LHX5: variants seen among roughly 807,000 people sequenced by gnomAD.
LHX5 encodes LIM homeobox 5.
A neutral mutation model predicts 30.6 loss-of-function variants in LHX5; 5 were observed. That is an observed-to-expected ratio of 0.16 (90% CI 0.09 to 0.34). The LOEUF (loss-of-function observed/expected upper bound fraction) is 0.34, where lower values mean the gene tolerates loss of function less well. LHX5 is among the 10% of genes least tolerant of loss of function. The pLI, the probability that LHX5 is intolerant of heterozygous loss-of-function variation, is 1.00. For missense variants in LHX5, 458 were observed against 570.6 expected (o/e 0.80, Z 2.01); for synonymous variants, 266 against 252.6 (o/e 1.05, Z -0.50).
In LHX5 at chr12:113,467,357, C is replaced by T; in HGVS notation, c.740G>A (p.Arg247Gln). The stretch of plus-strand genomic sequence containing the variant: ...CGGACTCCGGAAGAAGGCGTGCCTC[C>T]GGGCGCCTAGGGCGCTCAGCTGTTT... ...RMKQLSALGA[R>Q]RHAFFRSPRR... Residue 247 changes from arginine (R) to glutamine (Q), a missense_variant, in exon 4 of 5, where the codon CGG becomes CAG. This residue lies in a region of LHX5 where 255 missense variants were observed against 246.8 expected (regional missense o/e 1.03). Transcript: ENST00000261731. This position sits in a 1 kb window ranked among gnomAD's most constrained non-coding sequence, Gnocchi z 6.3. The T allele has an allele frequency of 6.3e-7, 1 of 1,589,672 alleles. No individual in the cohort carries two copies.
Position 113,463,566 on chromosome 12 carries a change from G to C in LHX5, c.842-9C>G. 2.6e-6 allele frequency: 4 copies of C among 1,519,060 alleles called. No individual in the cohort carries two copies. Among genetic ancestry groups the C allele is most frequent in the Non-Finnish European group, 3.5e-6 (4 of 1,140,368 alleles). 94.1% of individuals were successfully genotyped at this position (1,519,060 alleles called of 1,614,324 possible). On this transcript the variant is annotated splice_polypyrimidine_tract_variant and intron_variant, in intron 4 of 4. Coordinates refer to ENST00000261731, the MANE Select transcript of LHX5 (RefSeq NM_022363.3). This position sits in a 1 kb window ranked among gnomAD's most constrained non-coding sequence, Gnocchi z 6.7. Reference sequence around the variant, plus strand: ...GTAGTCGCCTTGGTAGTCTGCGGAGGGGGAGCGGGAAGGAGACAGGGCGCG... The same window carrying C: ...GTAGTCGCCTTGGTAGTCTGCGGAGCGGGAGCGGGAAGGAGACAGGGCGCG...
rs1175250076 is a variant in LHX5 at position 113,464,281 on chromosome 12, G to T, written c.842-724C>A. Among the ~76,000 whole-genome samples the T allele has an allele frequency of 6.6e-6, 1 of 152,246 alleles. No homozygotes were observed. Among genetic ancestry groups the T allele is most frequent in the Non-Finnish European group, 1.5e-5 (1 of 68,042 alleles). On this transcript the variant is annotated intron_variant, in intron 4 of 4. Coordinates refer to ENST00000261731, the MANE Select transcript of LHX5 (RefSeq NM_022363.3). The surrounding 1 kb of genome is among the most constrained non-coding windows in gnomAD (Gnocchi z 6.2). ...CCCAGGAACCTCCAGAGAAGCGGAG[G>T]CTGACAGGCCCGGGGAGAGGAACCG...
Position 113,463,205 on chromosome 12 carries a change from T to G in LHX5, c.1194A>C (p.Glu398Asp). The G allele has an allele frequency of 1.3e-6, 2 of 1,517,810 alleles. No individual in the cohort carries two copies. Among genetic ancestry groups the G allele is most frequent in the Admixed American group, 2.0e-5 (1 of 49,078 alleles). The allele number at this position is 1,517,810 out of a possible 1,614,324, so 94.0% of individuals were successfully genotyped here. Reference sequence around the variant, plus strand: ...CCCGGCGGCCTTACCACACGGCGGCTTCGTTGAGCTCGGGGTTGGGATGCG... The same window carrying G: ...CCCGGCGGCCTTACCACACGGCGGCGTCGTTGAGCTCGGGGTTGGGATGCG... ...PLSHPNPELNEAAVW is the reference protein window; with the variant it reads ...PLSHPNPELNDAAVW Residue 398 changes from glutamate (E) to aspartate (D), a missense_variant, in exon 5 of 5, where the codon GAA (glutamate) becomes GAC (aspartate). Coordinates refer to ENST00000261731, the MANE Select transcript of LHX5 (RefSeq NM_022363.3). This position sits in a 1 kb window ranked among gnomAD's most constrained non-coding sequence, Gnocchi z 6.7.
chr12:113,467,106 C>T lies in LHX5; in HGVS notation c.841+150G>A. 1 of 664,634 alleles carries T rather than the reference C, an allele frequency of 1.5e-6. No homozygotes were observed. Among genetic ancestry groups the T allele is most frequent in the Non-Finnish European group, 2.2e-6 (1 of 447,996 alleles). The allele number at this position is 664,634 out of a possible 1,614,324, so 41.2% of individuals were successfully genotyped here. On this transcript the variant is annotated intron_variant, in intron 4 of 4. Coordinates refer to ENST00000261731, the MANE Select transcript of LHX5 (RefSeq NM_022363.3). This position sits in a 1 kb window ranked among gnomAD's most constrained non-coding sequence, Gnocchi z 6.3. ...CATGTATCTGATTTTGTGTCCAGGA[C>T]ATGTGGGTGAGTGTACATGTGTCTG...
intron 1 of LHX5, 110 bp from the exon 2 acceptor site, chr12:113,469,455 C>G: frequency 2.1e-6 from 2 of 947,254 alleles, no homozygotes; most frequent in Non-Finnish European, 3.1e-6. Context: ...ATTTCCATAT[C>G]TGTCAAACGG....
rs529687457 is a variant in LHX5, at chr12:113,469,040, G to C, written c.397+82C>G. The C allele has an allele frequency of 6.5e-5, 69 of 1,058,906 alleles. No homozygotes were observed. In the African/African-American group the frequency reaches 9.6e-4, roughly 15 times the overall value. 65.6% of individuals were successfully genotyped at this position (1,058,906 alleles called of 1,614,324 possible). On this transcript the variant is annotated intron_variant, in intron 2 of 4. Transcript: ENST00000261731. ...CCAAGCTCAGCACAGACAGCACACC[G>C]GGGGCCAAGTAGGGAGTGCCAGGCT...
rs747879790 is a variant in LHX5, at chr12:113,465,295, C to T, written c.842-1738G>A. Among the ~76,000 whole-genome samples, 3 of 152,234 alleles carry T rather than the reference C, an allele frequency of 2.0e-5. No homozygotes were observed. Among genetic ancestry groups the T allele is most frequent in the African/African-American group, 4.8e-5 (2 of 41,468 alleles). ...GCCCCAAAGGGACAGGGATGGGAGA[C>T]GGCCGCGGCCCGCGGCGAGCCGGAA... On this transcript the variant is annotated intron_variant, in intron 4 of 4. Coordinates refer to ENST00000261731, the MANE Select transcript of LHX5 (RefSeq NM_022363.3). This position sits in a 1 kb window ranked among gnomAD's most constrained non-coding sequence, Gnocchi z 6.7.
Position 113,471,327 on chromosome 12 carries a change from T to G in LHX5, c.172A>C (p.Arg58=), listed in dbSNP as rs1420149603. 2 of 1,613,708 alleles carry G rather than the reference T, an allele frequency of 1.2e-6. No homozygotes were observed. The highest frequency in any genetic ancestry group is 1.7e-6 in the Non-Finnish European group (2 of 1,179,874). The stretch of plus-strand genomic sequence containing the variant: ...CAGCAGAGCGGCGCGGCCTCTTACC[T>G]GAAAAAGTCATTTTTGCAGTAGAGC... ...GKLYCKNDFF[R]RFGTKCAGCA... is the part of the protein sequence containing the mutation. Residue 58 remains arginine (R), a splice_region_variant and synonymous_variant, in exon 1 of 5, where the codon AGG becomes CGG. Coordinates refer to ENST00000261731, the MANE Select transcript of LHX5 (RefSeq NM_022363.3).
In LHX5 at chr12:113,469,189, C is replaced by T. The variant is rs778023674; in HGVS notation, c.330G>A (p.Glu110=). 1.2e-6 allele frequency: 2 copies of T among 1,614,264 alleles called. No homozygotes were observed. Among genetic ancestry groups the T allele is most frequent in the Non-Finnish European group, 1.7e-6 (2 of 1,180,050 alleles). ...STGEELYVID[E]NKFVCKDDYL... ...AGTCGTCTTTGCACACGAACTTGTT[C>T]TCGTCGATGACGTAGAGCTCCTCGC... Residue 110 remains glutamate, a synonymous_variant, in exon 2 of 5, where the codon GAG becomes GAA. Transcript: ENST00000261731.
In LHX5 at chr12:113,466,729, C is replaced by G; in HGVS notation, c.841+527G>C. Among the ~76,000 whole-genome samples, 1 of 152,148 alleles carries G rather than the reference C, an allele frequency of 6.6e-6. No homozygotes were observed. The highest frequency in any genetic ancestry group is 1.5e-5 in the Non-Finnish European group (1 of 68,034). The stretch of plus-strand genomic sequence containing the variant: ...CTTGGAATGAATCCAGACCCCCATC[C>G]CCTCCCCTCACACTACCCTCCAGCG... On this transcript the variant is annotated intron_variant, in intron 4 of 4. Coordinates refer to ENST00000261731, the MANE Select transcript of LHX5 (RefSeq NM_022363.3). This position sits in a 1 kb window ranked among gnomAD's most constrained non-coding sequence, Gnocchi z 6.5.
In LHX5 at chr12:113,465,483, C is replaced by G. The variant is rs2136976910; in HGVS notation, c.841+1773G>C. Among the ~76,000 whole-genome samples, 1 of 152,346 alleles carries G rather than the reference C, an allele frequency of 6.6e-6. No individual in the cohort carries two copies. On this transcript the variant is annotated intron_variant, in intron 4 of 4. Transcript: ENST00000261731. The surrounding 1 kb of genome is among the most constrained non-coding windows in gnomAD (Gnocchi z 6.7). ...GGAGCCGCCGGCCCCGCCGCCCGGC[C>G]CCTTTCTCGCCCGCTGCCGGTCGCC...
Position 113,470,546 on chromosome 12 carries a change from C to T in LHX5, c.173+780G>A, listed in dbSNP as rs537779160. Among the ~76,000 whole-genome samples the T allele has an allele frequency of 2.6e-5, 4 of 152,320 alleles. No homozygotes were observed. The South Asian group carries it at 8.3e-4, about 32-fold the overall frequency. On this transcript the variant is annotated intron_variant, in intron 1 of 4. Transcript: ENST00000261731. ...CTGTGGCGTGATTCACGCCCCCATT[C>T]CTCAGCGCGGGGAATTCCTGTTCAC...
In LHX5 at chr12:113,469,216, G is replaced by C. The variant is rs374968201; in HGVS notation, c.303C>G (p.Thr101=). The C allele has an allele frequency of 8.1e-6, 13 of 1,614,250 alleles. No homozygotes were observed. Among genetic ancestry groups the C allele is most frequent in the Non-Finnish European group, 1.1e-5 (13 of 1,180,038 alleles). The change falls in exon 2 of 5, where the codon ACC becomes ACG. Residue 101 remains threonine (T), a synonymous_variant. Transcript: ENST00000261731. ...CGTCGATGACGTAGAGCTCCTCGCCGGTGGACAGCTGCTTGTTACACACCA... is the reference window on the plus strand; with the variant it reads ...CGTCGATGACGTAGAGCTCCTCGCCCGTGGACAGCTGCTTGTTACACACCA... ...TCMVCNKQLS[T]GEELYVIDEN...
rs148636303 is a variant in LHX5 at position 113,467,212 on chromosome 12, G to A, written c.841+44C>T. On this transcript the variant is annotated intron_variant, in intron 4 of 4. Coordinates refer to ENST00000261731, the MANE Select transcript of LHX5 (RefSeq NM_022363.3). This position sits in a 1 kb window ranked among gnomAD's most constrained non-coding sequence, Gnocchi z 6.3. ...CGGGACCCTTCGCCCTCAGCTCCCGGAATAGGACAGGTGCGGAACAGCGAA... is the reference window on the plus strand; with the variant it reads ...CGGGACCCTTCGCCCTCAGCTCCCGAAATAGGACAGGTGCGGAACAGCGAA... The A allele has an allele frequency of 4.9e-5, 68 of 1,392,160 alleles. No individual in the cohort carries two copies. In the East Asian group the frequency reaches 1.4e-3, roughly 28 times the overall value. 86.2% of individuals were successfully genotyped at this position (1,392,160 alleles called of 1,614,324 possible). A position where few individuals can be genotyped will look rare whatever the true frequency, so the allele number is the denominator to read the frequency against.
In LHX5 at chr12:113,467,332, C is replaced by T; in HGVS notation, c.765G>A (p.Pro255=). Residue 255 remains proline, a synonymous_variant, in exon 4 of 5, where the codon CCG becomes CCA. Coordinates refer to ENST00000261731, the MANE Select transcript of LHX5 (RefSeq NM_022363.3). This position sits in a 1 kb window ranked among gnomAD's most constrained non-coding sequence, Gnocchi z 6.3. ...GARRHAFFRS[P]RRMRPLGGRL... is the part of the protein sequence containing the mutation. ...GGCCGCCCAGCGGACGCATGCGCCG[C>T]GGACTCCGGAAGAAGGCGTGCCTCC... 5 of 1,582,768 alleles carry T rather than the reference C, an allele frequency of 3.2e-6. No individual in the cohort carries two copies. In the South Asian group the frequency reaches 3.4e-5, roughly 11 times the overall value.
chr12:113,471,276 G>T lies in LHX5; in HGVS notation c.173+50C>A, dbSNP rs752468572. 3.8e-6 allele frequency: 6 copies of T among 1,595,680 alleles called. No individual in the cohort carries two copies. In the South Asian group the frequency reaches 6.7e-5, roughly 18 times the overall value. ...TATCCCCTTCCCCAGCGCCCCAGTG[G>T]AGCGCGCGCAGGGTGGGCGCGCAGG... On this transcript the variant is annotated intron_variant, in intron 1 of 4. Coordinates refer to ENST00000261731, the MANE Select transcript of LHX5 (RefSeq NM_022363.3).
chr12:113,463,882 C>T lies in LHX5; in HGVS notation c.842-325G>A, dbSNP rs1384589805. On this transcript the variant is annotated intron_variant, in intron 4 of 4. Coordinates refer to ENST00000261731, the MANE Select transcript of LHX5 (RefSeq NM_022363.3). This position sits in a 1 kb window ranked among gnomAD's most constrained non-coding sequence, Gnocchi z 6.7. ...ACTCGGAGACTTCAGTCACAGGTTC[C>T]CTGACACCTAGAGATGGAGAGAGAC... is the stretch of plus-strand genomic sequence containing the variant. Among the ~76,000 whole-genome samples the T allele has an allele frequency of 1.3e-5, 2 of 152,074 alleles. No homozygotes were observed. Among genetic ancestry groups the T allele is most frequent in the Non-Finnish European group, 2.9e-5 (2 of 68,014 alleles).
rs1431167851 is a variant in LHX5, at chr12:113,464,263, A to G, written c.842-706T>C. 6.6e-6 allele frequency among the ~76,000 whole-genome samples: 1 copy of G among 152,120 alleles called. No homozygotes were observed. Among genetic ancestry groups the G allele is most frequent in the Non-Finnish European group, 1.5e-5 (1 of 68,008 alleles). ...GGTGGATCAGAGATGAGTCCCAGGA[A>G]CCTCCAGAGAAGCGGAGGCTGACAG... is the stretch of plus-strand genomic sequence containing the variant. On this transcript the variant is annotated intron_variant, in intron 4 of 4. Coordinates refer to ENST00000261731, the MANE Select transcript of LHX5 (RefSeq NM_022363.3). This position sits in a 1 kb window ranked among gnomAD's most constrained non-coding sequence, Gnocchi z 6.2.
At chr12:113,471,279 C>T (rs3803076) in intron 1 of LHX5, 47 bp downstream of exon 1, 34,342 of 1,596,398 alleles carry the variant, frequency 0.022, 519 homozygotes, top group South Asian at 0.051. Context: ...CCCAGTGGAG[C>T]GCGCGCAGGG....
Sources: allele counts gnomAD v4.1 joint callset (sites outside exome capture counted in the v4.1 genomes callset), GRCh38; gene constraint gnomAD v4.1.1; regional missense constraint gnomAD v4.1.1; non-coding constraint Gnocchi (gnomAD v3.1); transcripts MANE v1.5; gene names NCBI Gene and HGNC (gene_info 2026-07-23, HGNC 2026-07-21).